LYPLAL1: variants seen among roughly 807,000 people sequenced by gnomAD.
LYPLAL1 encodes lysophospholipase-like protein 1.
Under a neutral mutation model 19.7 loss-of-function variants are expected in LYPLAL1, and 23 were observed. That is an observed-to-expected ratio of 1.17 (90% CI 0.84 to 1.65). LYPLAL1 has a LOEUF of 1.65. LYPLAL1 is among the 40% of genes most tolerant of loss of function. The pLI, the probability that LYPLAL1 is intolerant of heterozygous loss-of-function variation, is 0.00. For missense variants in LYPLAL1, 355 were observed against 279.4 expected (o/e 1.27, Z -1.93); for synonymous variants, 119 against 96.3 (o/e 1.24, Z -1.38).
chr1:219,330,379 G>A, the LYPLAL1 span, among the ~76,000 whole-genome samples: 1 of 152,128 alleles, frequency 6.6e-6, no homozygotes, highest in Non-Finnish European at 1.5e-5. Context: ...TCAGCTTTAT[G>A]AAATAATCAT....
chr1:219,231,563 A>G, the LYPLAL1 span, among the ~76,000 whole-genome samples: 9 of 152,072 alleles, frequency 5.9e-5, no homozygotes, highest in African/African-American at 1.9e-4. Context: ...GAGGTTTTTC[A>G]GAGAACGAAT....
At chr1:219,422,999 A>G in the LYPLAL1 span, among the ~76,000 whole-genome samples, 2 of 152,186 alleles carry the variant, frequency 1.3e-5, no homozygotes, top group African/African-American at 4.8e-5. Flanking sequence ...ATGACGGAGC[A>G]TGCAATTGTT....
chr1:219,331,435 G>A, the LYPLAL1 span, among the ~76,000 whole-genome samples: 2 of 152,146 alleles, frequency 1.3e-5, no homozygotes, highest in Non-Finnish European at 2.9e-5. Flanking sequence ...CTCCGTTTTT[G>A]TGTTAAAACT....
chr1:219,200,718 C>T (rs1275553124), intron 3 of LYPLAL1, among the ~76,000 whole-genome samples: 1 of 152,188 alleles, frequency 6.6e-6, no homozygotes, highest in Non-Finnish European at 1.5e-5. Context: ...CTTGCTCTTC[C>T]TTGCTTGGAT....
At chr1:219,209,021 A>G (rs986928570) in intron 3 of LYPLAL1, among the ~76,000 whole-genome samples, 1 of 152,062 alleles carries the variant, frequency 6.6e-6, no homozygotes, top group African/African-American at 2.4e-5. Context: ...TACATTTGCA[A>G]ATTTTACATA....
At chr1:219,257,189 T>A in the LYPLAL1 span, among the ~76,000 whole-genome samples, 1 of 152,016 alleles carries the variant, frequency 6.6e-6, no homozygotes, top group Non-Finnish European at 1.5e-5. Flanking sequence ...ATGTTTAACA[T>A]TTTTTGAAGT....
chr1:219,324,199 T>G, the LYPLAL1 span, among the ~76,000 whole-genome samples: 1 of 152,244 alleles, frequency 6.6e-6, no homozygotes, highest in Admixed American at 6.5e-5. Context: ...AGATGCCAGT[T>G]TCTGATTCTT....
At chr1:219,366,588 A>G in the LYPLAL1 span, among the ~76,000 whole-genome samples, 1 of 152,222 alleles carries the variant, frequency 6.6e-6, no homozygotes, top group Non-Finnish European at 1.5e-5. Flanking sequence ...AAAGAAAAGA[A>G]TGATGGTGGA....
At chr1:219,365,012 T>TAA in the LYPLAL1 span, among the ~76,000 whole-genome samples, 1 of 152,110 alleles carries the variant, frequency 6.6e-6, no homozygotes, top group Non-Finnish European at 1.5e-5. Flanking sequence ...ATCTGATAGT[T>TAA]ACATCAGATT....
At chr1:219,433,858 T>A in the LYPLAL1 span, among the ~76,000 whole-genome samples, 4 of 152,250 alleles carry the variant, frequency 2.6e-5, no homozygotes, top group African/African-American at 9.6e-5. Flanking sequence ...AACTCTAATT[T>A]GGTGTTCATC....
chr1:219,211,136 T>C (rs917557600), intron 4 of LYPLAL1, among the ~76,000 whole-genome samples: 6 of 152,130 alleles, frequency 3.9e-5, no homozygotes, highest in African/African-American at 1.4e-4. Flanking sequence ...TAAAATGTAA[T>C]TGTCCCCTTG....
At chr1:219,232,033 C>T in the LYPLAL1 span, among the ~76,000 whole-genome samples, 1 of 152,150 alleles carries the variant, frequency 6.6e-6, no homozygotes, top group East Asian at 1.9e-4. Flanking sequence ...ATATATGTTT[C>T]TGCCACAGTC....
chr1:219,228,657 G>A, the LYPLAL1 span, among the ~76,000 whole-genome samples: 2 of 151,860 alleles, frequency 1.3e-5, no homozygotes, highest in Non-Finnish European at 2.9e-5. Flanking sequence ...ACAATTATAA[G>A]CACTTTATTT....
At chr1:219,247,548 T>A in the LYPLAL1 span, among the ~76,000 whole-genome samples, 1 of 152,196 alleles carries the variant, frequency 6.6e-6, no homozygotes, top group African/African-American at 2.4e-5. Flanking sequence ...TAGTTAGAGT[T>A]AGCTGGACCA....
chr1:219,395,920 A>G, the LYPLAL1 span, among the ~76,000 whole-genome samples: 4 of 151,892 alleles, frequency 2.6e-5, no homozygotes, highest in African/African-American at 7.3e-5. Context: ...TGGCTAACAC[A>G]GTGGAACCCC....
the LYPLAL1 span, among the ~76,000 whole-genome samples, chr1:219,346,148 T>C: frequency 5.3e-5 from 8 of 152,158 alleles, no homozygotes; most frequent in Admixed American, 1.3e-4. Flanking sequence ...GAAGGCTTTA[T>C]TGGGGTGCTG....
intron 2 of LYPLAL1, among the ~76,000 whole-genome samples, chr1:219,188,681 CTT>C (rs35665269): frequency 4.1e-5 from 6 of 145,208 alleles, no homozygotes; most frequent in Admixed American, 1.4e-4. Flanking sequence ...TGAATGTCAA[CTT>C]TTTTTTTTTT....
chr1:219,307,068 T>C, the LYPLAL1 span, among the ~76,000 whole-genome samples: 20 of 149,932 alleles, frequency 1.3e-4, no homozygotes, highest in African/African-American at 5.0e-4. Context: ...AATCATCTCA[T>C]CCCTTATTTT....
the LYPLAL1 span, among the ~76,000 whole-genome samples, chr1:219,390,684 A>G: frequency 1.3e-5 from 2 of 152,128 alleles, no homozygotes; most frequent in African/African-American, 4.8e-5. Flanking sequence ...TCCCCTTCCC[A>G]ATGAAGAGGG....
Sources: gnomAD v4.1 joint callset for allele counts (sites outside exome capture counted in the v4.1 genomes callset) on GRCh38, gnomAD v4.1.1 for gene constraint, MANE v1.5 for transcripts, NCBI Gene and HGNC (gene_info 2026-07-23, HGNC 2026-07-21) for gene names.